Variants in AGAP3 observed in about 807,000 individuals in gnomAD.
The protein encoded by AGAP3 is ArfGAP with GTPase domain, ankyrin repeat and PH domain 3.
AGAP3 carries 24 observed loss-of-function variants against 96.9 expected under a neutral mutation model. That is an observed-to-expected ratio of 0.25 (90% CI 0.18 to 0.35). The LOEUF (loss-of-function observed/expected upper bound fraction) is 0.35. Ranked by LOEUF, AGAP3 falls within the 10% of genes least tolerant of loss-of-function variation. The probability of loss-of-function intolerance (pLI) is 1.00; values close to 1 mark genes in which losing one functional copy is unlikely to be tolerated. For missense variants in AGAP3, 876 were observed against 1,254.2 expected, an observed-to-expected ratio of 0.70 and a Z score of 4.55; for synonymous variants, 563 against 536.1, an observed-to-expected ratio of 1.05 and a Z score of -0.69.
At chr7:151,122,769 C>T (rs768258267) in intron 8 of AGAP3, 1 of 1,613,906 alleles carries the variant, frequency 6.2e-7, no homozygotes, top group South Asian at 1.1e-5. Flanking sequence ...AAAGGCCTTT[C>T]CAACTCCTTC....
rs561023950 is a variant in AGAP3, at chr7:151,108,411, C to G, written c.332-8382C>G. ...GTTTCCCTGCTCCTTGCACTGCTCT[C>G]GGTCCTGTGGCTCTCTCTGCCACCC... On this transcript the variant is annotated intron_variant, in intron 1 of 17. Transcript: ENST00000397238. The surrounding 1 kb of genome is among the most constrained non-coding windows in gnomAD (Gnocchi z 4.2). Among the ~76,000 whole-genome samples, 62 of 152,288 alleles carry G rather than the reference C, an allele frequency of 4.1e-4. No individual in the cohort carries two copies. Among genetic ancestry groups the G allele is most frequent in the African/African-American group, 1.4e-3 (57 of 41,558 alleles).
At chr7:151,101,507 T>G (rs984312220) in intron 1 of AGAP3, among the ~76,000 whole-genome samples, 2 of 152,114 alleles carry the variant, frequency 1.3e-5, no homozygotes, top group Non-Finnish European at 2.9e-5. Flanking sequence ...AAGAGGCTGG[T>G]GGGGCATTGA....
Position 151,119,437 on chromosome 7 carries a change from C to T in AGAP3, c.970-550C>T, listed in dbSNP as rs1799759786. ...TTCCCTTCTCTGTTCCACATCCACA[C>T]CTTACTCTGATTGGGAGTCATAGCT... On this transcript the variant is annotated intron_variant, in intron 7 of 17. Coordinates refer to ENST00000397238, the MANE Select transcript of AGAP3 (RefSeq NM_031946.7). Among the ~76,000 whole-genome samples the T allele has an allele frequency of 2.6e-5, 4 of 152,368 alleles. No homozygotes were observed. The South Asian group carries it at 8.3e-4, about 32-fold the overall frequency.
intron 1 of AGAP3, among the ~76,000 whole-genome samples, chr7:151,109,138 G>A (rs1334224717): frequency 2.0e-5 from 3 of 150,320 alleles, no homozygotes; most frequent in Admixed American, 6.7e-5. Flanking sequence ...GACCAGCATA[G>A]GCAGCATAGT....
intron 11 of AGAP3, among the ~76,000 whole-genome samples, chr7:151,135,020 G>A (rs1800539601): frequency 6.6e-6 from 1 of 152,282 alleles, no homozygotes; most frequent in Admixed American, 6.5e-5. Flanking sequence ...GCTCAGAGAG[G>A]ACTGAATTTA....
In AGAP3 at chr7:151,104,001, G is replaced by A. The variant is rs28633787; in HGVS notation, c.332-12792G>A. ...TCCACGGGACCACAGCCTTAGTGCCGTGGCGGGGGCGTGAGGACTGGGTCT... is the reference window on the plus strand; with the variant it reads ...TCCACGGGACCACAGCCTTAGTGCCATGGCGGGGGCGTGAGGACTGGGTCT... On this transcript the variant is annotated intron_variant, in intron 1 of 17. Transcript: ENST00000397238. Among the ~76,000 whole-genome samples the A allele has an allele frequency of 3.5e-3, 534 of 152,124 alleles. 1 individual carries two copies. The highest frequency in any genetic ancestry group is 0.012 in the African/African-American group (510 of 41,522).
At chr7:151,088,882 C>T (rs1350579201) in intron 1 of AGAP3, among the ~76,000 whole-genome samples, 1 of 152,220 alleles carries the variant, frequency 6.6e-6, no homozygotes, top group Non-Finnish European at 1.5e-5. Context: ...TGACCGACTT[C>T]TCCATTGCGG....
At chr7:151,120,637 A>C in intron 8 of AGAP3, 2 of 1,288,444 alleles carry the variant, frequency 1.6e-6, no homozygotes, top group Non-Finnish European at 1.0e-6. Flanking sequence ...CCGTTACCCC[A>C]CTGCCGAGGG....
intron 1 of AGAP3, chr7:151,116,585 C>G: frequency 3.3e-6 from 2 of 604,710 alleles, no homozygotes; most frequent in South Asian, 3.9e-5. Context: ...GAGTCCTGTT[C>G]TGAAGACCAT....
intron 9 of AGAP3, among the ~76,000 whole-genome samples, chr7:151,127,044 A>G (rs2150505451): frequency 6.6e-6 from 1 of 152,278 alleles, no homozygotes; most frequent in African/African-American, 2.4e-5. Flanking sequence ...GGGCCGCTGG[A>G]AGTGGGTGCC....
chr7:151,138,170 C>T lies in AGAP3; in HGVS notation c.1523C>T (p.Ser508Phe), dbSNP rs867657542. Residue 508 changes from serine (S) to phenylalanine (F), a missense_variant, in exon 12 of 18, where the codon TCC becomes TTC. Physicochemically the swap from Ser to Phe is radical, Grantham distance 155 (BLOSUM62 -2). Transcript: ENST00000397238. ...TGAPHSASSA[S>F]LHSERPLSSS... ...GCCCCCCACTCGGCCAGCAGCGCAT[C>T]CCTGCACTCTGAGCGCCCCCTCAGC... The T allele has an allele frequency of 1.2e-6, 2 of 1,607,644 alleles. No individual in the cohort carries two copies. Among genetic ancestry groups the T allele is most frequent in the African/African-American group, 1.3e-5 (1 of 74,778 alleles).
chr7:151,115,589 G>T, intron 1 of AGAP3: 2 of 1,161,872 alleles, frequency 1.7e-6, no homozygotes, highest in South Asian at 4.2e-5. Flanking sequence ...CCGCCGCGCC[G>T]CTGTGGGGCC....
chr7:151,092,497 T>A (rs548678496), intron 1 of AGAP3, among the ~76,000 whole-genome samples: 1 of 152,104 alleles, frequency 6.6e-6, no homozygotes, highest in South Asian at 2.1e-4. Context: ...AGAGTTGAGG[T>A]AGGGAAGGGG....
rs566570797 is a variant in AGAP3, at chr7:151,120,083, G to A, written c.1066G>A (p.Ala356Thr). 8.1e-6 allele frequency: 13 copies of A among 1,613,688 alleles called. No individual in the cohort carries two copies. Among genetic ancestry groups the A allele is most frequent in the East Asian group, 6.7e-5 (3 of 44,850 alleles). Residue 356 changes from alanine to threonine, a missense_variant, in exon 8 of 18, where the codon GCT (alanine) becomes ACT (threonine). Coordinates refer to ENST00000397238, the MANE Select transcript of AGAP3 (RefSeq NM_031946.7). Reference sequence around the variant, plus strand: ...GCGGGAGCTGCGCATCGAGACCATCGCTGCCTCCTCCACCCCCACACCCAT... The same window carrying A: ...GCGGGAGCTGCGCATCGAGACCATCACTGCCTCCTCCACCCCCACACCCAT... ...SQRELRIETI[A>T]ASSTPTPIRK...
rs116473447 is a variant in AGAP3 at position 151,125,604 on chromosome 7, G to A, written c.1221+1718G>A. Among the ~76,000 whole-genome samples the A allele has an allele frequency of 7.8e-3, 1,183 of 152,290 alleles. 10 individuals carry two copies. Among genetic ancestry groups the A allele is most frequent in the African/African-American group, 0.027 (1,103 of 41,570 alleles). On this transcript the variant is annotated intron_variant, in intron 9 of 17. Coordinates refer to ENST00000397238, the MANE Select transcript of AGAP3 (RefSeq NM_031946.7). ...GTTCTGTAACGATCGCTCGCTAGGG[G>A]CGGGGCGCGTCCGTTCTCTTCTTCC... is the stretch of plus-strand genomic sequence containing the variant.
intron 9 of AGAP3, among the ~76,000 whole-genome samples, chr7:151,125,303 C>T (rs973196829): frequency 6.6e-6 from 1 of 152,190 alleles, no homozygotes; most frequent in Non-Finnish European, 1.5e-5. Flanking sequence ...CCTCACTGGT[C>T]GTCAGGGGCT....
rs1365997575 is a variant in AGAP3 at position 151,142,101 on chromosome 7, A to T, written c.1959+49A>T. 2 of 1,607,470 alleles carry T rather than the reference A, an allele frequency of 1.2e-6. No homozygotes were observed. Among genetic ancestry groups the T allele is most frequent in the East Asian group, 2.2e-5 (1 of 44,756 alleles). ...ACACAGAGCACCTGGCTGGGGTGGGACTGAAAGGGGCCTCATGACTGACCA... is the reference window on the plus strand; with the variant it reads ...ACACAGAGCACCTGGCTGGGGTGGGTCTGAAAGGGGCCTCATGACTGACCA... On this transcript the variant is annotated intron_variant, in intron 14 of 17. Coordinates refer to ENST00000397238, the MANE Select transcript of AGAP3 (RefSeq NM_031946.7). This position sits in a 1 kb window ranked among gnomAD's most constrained non-coding sequence, Gnocchi z 7.5.
At position 151,116,922 on chromosome 7, in the gene AGAP3, G is replaced by T. The variant is rs539674195; in HGVS notation, c.390+71G>T. On this transcript the variant is annotated intron_variant, in intron 2 of 17. Transcript: ENST00000397238. The stretch of plus-strand genomic sequence containing the variant: ...GCGAGGCTGGGTGCCGCGGGCCTGG[G>T]CCTTGCTTCTCCGGCTTCTGTCCCC... 106 of 1,594,566 alleles carry T rather than the reference G, an allele frequency of 6.6e-5. No individual in the cohort carries two copies. The African/African-American group carries it at 9.5e-4, about 14-fold the overall frequency.
intron 9 of AGAP3, chr7:151,128,198 A>G (rs773344460): frequency 4.4e-5 from 9 of 202,836 alleles, no homozygotes; most frequent in Non-Finnish European, 9.2e-5. Flanking sequence ...GATGGCCACT[A>G]TCTACACCCC....
Sources: gnomAD v4.1 joint callset for allele counts (sites outside exome capture counted in the v4.1 genomes callset) on GRCh38, gnomAD v4.1.1 for gene constraint, Gnocchi (gnomAD v3.1) non-coding constraint, MANE v1.5 for transcripts, NCBI Gene and HGNC (gene_info 2026-07-23, HGNC 2026-07-21) for gene names.